ADGRB3: variants seen among roughly 807,000 people sequenced by gnomAD.
The protein encoded by ADGRB3 is brain-specific angiogenesis inhibitor 3.
ADGRB3 carries 37 observed loss-of-function variants against 193.4 expected under a neutral mutation model. That is an observed-to-expected ratio of 0.19 (90% CI 0.15 to 0.25). ADGRB3 has a LOEUF of 0.25. ADGRB3 is among the 10% of genes least tolerant of loss of function. The pLI is 1.00. For synonymous variants in ADGRB3, 690 were observed against 644.2 expected (o/e 1.07, Z -1.08); for missense variants, 1,637 against 1,852.9 (o/e 0.88, Z 2.14).
At chr6:69,114,670 T>C (rs1773473027) in intron 17 of ADGRB3, among the ~76,000 whole-genome samples, 3 of 150,384 alleles carry the variant, frequency 2.0e-5, no homozygotes, top group Admixed American at 2.0e-4. Context: ...TTAATCAACC[T>C]TGAGTTGATT....
chr6:68,870,118 T>C (rs1000980288), intron 3 of ADGRB3, among the ~76,000 whole-genome samples: 1 of 152,192 alleles, frequency 6.6e-6, no homozygotes, highest in Admixed American at 6.5e-5. Flanking sequence ...CAAACTTATC[T>C]TTCCTAATAT....
At chr6:68,680,619 G>T (rs185716630) in intron 3 of ADGRB3, among the ~76,000 whole-genome samples, 1 of 152,250 alleles carries the variant, frequency 6.6e-6, no homozygotes, top group East Asian at 1.9e-4. Flanking sequence ...CAACAGGATA[G>T]AATTTAATTT....
At chr6:68,655,232 G>A (rs999592443) in intron 3 of ADGRB3, among the ~76,000 whole-genome samples, 1 of 151,506 alleles carries the variant, frequency 6.6e-6, no homozygotes, top group Admixed American at 6.6e-5. Flanking sequence ...CTGGGTTCCA[G>A]TCCCAATTTC....
chr6:69,259,823 A>G (rs1319838062), intron 20 of ADGRB3, among the ~76,000 whole-genome samples: 13 of 152,158 alleles, frequency 8.5e-5, no homozygotes, highest in Non-Finnish European at 1.2e-4. Context: ...ACTCAGATAT[A>G]AAGACATTGG....
intron 3 of ADGRB3, among the ~76,000 whole-genome samples, chr6:68,689,214 G>A (rs1236979055): frequency 6.6e-6 from 1 of 152,118 alleles, no homozygotes; most frequent in East Asian, 1.9e-4. Context: ...CTTGAAGAGA[G>A]CTCAGGGTCC....
rs1238824969 is a variant in ADGRB3 at position 69,106,579 on chromosome 6, C to T, written c.2480+30541C>T. Among the ~76,000 whole-genome samples, 12 of 152,326 alleles carry T rather than the reference C, an allele frequency of 7.9e-5. No homozygotes were observed. The South Asian group carries it at 2.5e-3, about 32-fold the overall frequency. On this transcript the variant is annotated intron_variant, in intron 17 of 31. Transcript: ENST00000370598. ...AACCAACTTATTTCAATTACCATCA[C>T]TGGTCAGATCCATTTGTTCACCAGG...
intron 3 of ADGRB3, among the ~76,000 whole-genome samples, chr6:68,799,604 C>T (rs1767275167): frequency 1.3e-5 from 2 of 151,942 alleles, no homozygotes; most frequent in African/African-American, 4.8e-5. Context: ...AGTGTACATT[C>T]TATAAAGGAA....
intron 17 of ADGRB3, among the ~76,000 whole-genome samples, chr6:69,137,714 T>C (rs975280157): frequency 1.3e-5 from 2 of 152,104 alleles, no homozygotes; most frequent in Admixed American, 6.5e-5. Flanking sequence ...GGAGAATCAC[T>C]TGAACCCGGG....
chr6:69,255,609 T>G (rs916122061), intron 20 of ADGRB3, among the ~76,000 whole-genome samples: 35 of 152,270 alleles, frequency 2.3e-4, no homozygotes, highest in Admixed American at 8.5e-4. Flanking sequence ...TTAGCCCTTT[T>G]TCAGATGAGT....
At chr6:68,872,958 C>G (rs545096532) in intron 3 of ADGRB3, among the ~76,000 whole-genome samples, 1 of 151,974 alleles carries the variant, frequency 6.6e-6, no homozygotes, top group Non-Finnish European at 1.5e-5. Flanking sequence ...CAACAAAATG[C>G]CAGATAAAGT....
At chr6:68,964,142 T>C (rs878948542) in intron 8 of ADGRB3, among the ~76,000 whole-genome samples, 4 of 152,202 alleles carry the variant, frequency 2.6e-5, no homozygotes, top group Admixed American at 2.0e-4. Context: ...CTATCACATA[T>C]ATGATTTTTT....
At chr6:69,339,543 G>C in intron 26 of ADGRB3, 39 bp downstream of exon 26, 1 of 1,581,796 alleles carries the variant, frequency 6.3e-7, no homozygotes, top group South Asian at 1.1e-5. Context: ...GTGATGGTTG[G>C]AATGGTATTT....
chr6:69,207,187 C>G (rs1765557381), intron 17 of ADGRB3, among the ~76,000 whole-genome samples: 1 of 152,158 alleles, frequency 6.6e-6, no homozygotes, highest in Admixed American at 6.5e-5. Context: ...GTTCCTCCCT[C>G]TGGAACTAAG....
chr6:68,972,320 G>A (rs765019302), intron 8 of ADGRB3, among the ~76,000 whole-genome samples: 1 of 152,042 alleles, frequency 6.6e-6, no homozygotes, highest in Non-Finnish European at 1.5e-5. Context: ...CAGTTCTTGT[G>A]TCCTGGGAAA....
intron 17 of ADGRB3, among the ~76,000 whole-genome samples, chr6:69,135,054 A>G (rs1774114131): frequency 6.6e-6 from 1 of 151,996 alleles, no homozygotes; most frequent in African/African-American, 2.4e-5. Flanking sequence ...ATAAATTTCA[A>G]TACATTGAGC....
Position 68,823,913 on chromosome 6 carries a change from A to G in ADGRB3, c.758-106646A>G, listed in dbSNP as rs544351198. Among the ~76,000 whole-genome samples, 23 of 149,578 alleles carry G rather than the reference A, an allele frequency of 1.5e-4. 1 individual carries two copies. In the East Asian group the frequency reaches 3.7e-3, roughly 24 times the overall value. Reference sequence around the variant, plus strand: ...TTGTTGAATAATAATTTAGTTAAGTATTCCATTCCGTTATTTTTTCTGAGA... The same window carrying G: ...TTGTTGAATAATAATTTAGTTAAGTGTTCCATTCCGTTATTTTTTCTGAGA... On this transcript the variant is annotated intron_variant, in intron 3 of 31. Coordinates refer to ENST00000370598, the MANE Select transcript of ADGRB3 (RefSeq NM_001704.3).
chr6:68,911,152 CA>C (rs1318210433), intron 3 of ADGRB3, among the ~76,000 whole-genome samples: 1 of 150,850 alleles, frequency 6.6e-6, no homozygotes, highest in Non-Finnish European at 1.5e-5. Context: ...TCATTCTCAG[CA>C]AACTATAGCA....
intron 3 of ADGRB3, among the ~76,000 whole-genome samples, chr6:68,905,570 G>C (rs1295108742): frequency 6.6e-6 from 1 of 152,004 alleles, no homozygotes; most frequent in Non-Finnish European, 1.5e-5. Flanking sequence ...CTTTCTGCTT[G>C]GTTGGTCAAG....
intron 17 of ADGRB3, among the ~76,000 whole-genome samples, chr6:69,105,746 G>T (rs1298132410): frequency 6.6e-6 from 1 of 152,162 alleles, no homozygotes; most frequent in Non-Finnish European, 1.5e-5. Flanking sequence ...AGATGGAGTA[G>T]CATGCCCAAG....
Sources: allele counts gnomAD v4.1 joint callset (sites outside exome capture counted in the v4.1 genomes callset), GRCh38; gene constraint gnomAD v4.1.1; transcripts MANE v1.5; gene names NCBI Gene and HGNC (gene_info 2026-07-23, HGNC 2026-07-21).